The following DPYD variants were observed in gnomAD, a reference collection of about 807,000 sequenced individuals.
The protein encoded by DPYD is dihydropyrimidine dehydrogenase [NADP(+)].
A neutral mutation model predicts 116.2 loss-of-function variants in DPYD; 109 were observed. That is an observed-to-expected ratio of 0.94 (90% CI 0.80 to 1.10). The LOEUF (loss-of-function observed/expected upper bound fraction) is 1.10, where lower values mean the gene tolerates loss of function less well. DPYD is among the 50% of genes least tolerant of loss of function. The pLI is 0.00. For missense variants in DPYD, 1,302 were observed against 1,254.5 expected (o/e 1.04, Z -0.57); for synonymous variants, 440 against 432.0 (o/e 1.02, Z -0.23).
chr1:97,692,967 A>G (rs990419463), intron 6 of DPYD, among the ~76,000 whole-genome samples: 1 of 152,140 alleles, frequency 6.6e-6, no homozygotes, highest in African/African-American at 2.4e-5. Context: ...ATTTTTATAT[A>G]TCAATCAGCA....
intron 18 of DPYD, among the ~76,000 whole-genome samples, chr1:97,293,867 G>C (rs181308798): frequency 5.7e-4 from 81 of 142,646 alleles, no homozygotes; most frequent in African/African-American, 1.9e-3. Context: ...AGAATCGCTC[G>C]AACCCGGGAG....
At position 97,364,166 on chromosome 1, in the gene DPYD, C is replaced by T. The variant is rs150768890; in HGVS notation, c.2058+9395G>A. 3.2e-3 allele frequency among the ~76,000 whole-genome samples: 485 copies of T among 152,194 alleles called. 2 individuals are homozygous for T. The highest frequency in any genetic ancestry group is 0.011 in the African/African-American group (467 of 41,522). On this transcript the variant is annotated intron_variant, in intron 16 of 22. Transcript: ENST00000370192. ...AGGAAAAACAGGAGTGCCAAGCCTGCCATGTTGTTTACAGTTTTGGTGTGG... is the reference window on the plus strand; with the variant it reads ...AGGAAAAACAGGAGTGCCAAGCCTGTCATGTTGTTTACAGTTTTGGTGTGG...
At chr1:97,199,578 A>C (rs1019409598) in intron 19 of DPYD, among the ~76,000 whole-genome samples, 13 of 152,068 alleles carry the variant, frequency 8.5e-5, no homozygotes, top group Non-Finnish European at 1.5e-4. Context: ...ATTTTTGGTC[A>C]AATACTGCAG....
chr1:97,384,146 C>T (rs1325132956), intron 14 of DPYD, among the ~76,000 whole-genome samples: 2 of 150,706 alleles, frequency 1.3e-5, no homozygotes, highest in African/African-American at 4.9e-5. Flanking sequence ...GATTGAGACA[C>T]AAAGAGTTTG....
At chr1:97,306,378 G>A in intron 16 of DPYD, 81 bp from the exon 17 acceptor site, 1 of 1,584,842 alleles carries the variant, frequency 6.3e-7, no homozygotes, top group South Asian at 1.1e-5. Context: ...AGCAAAGCTG[G>A]AGACGTGCAA....
intron 20 of DPYD, among the ~76,000 whole-genome samples, chr1:97,158,015 G>A (rs1392982652): frequency 6.6e-6 from 1 of 152,094 alleles, no homozygotes. Context: ...TCTTGTTGAA[G>A]TACTGGGTGC....
At chr1:97,349,123 G>A (rs923880732) in intron 16 of DPYD, among the ~76,000 whole-genome samples, 13 of 152,082 alleles carry the variant, frequency 8.5e-5, no homozygotes, top group African/African-American at 3.1e-4. Context: ...TTTCTATCCT[G>A]CAGTTTCCTG....
intron 3 of DPYD, among the ~76,000 whole-genome samples, chr1:97,785,119 C>G (rs898208462): frequency 1.4e-4 from 22 of 152,000 alleles, no homozygotes; most frequent in Non-Finnish European, 2.5e-4. Flanking sequence ...GAGAATATAG[C>G]TAATACAAAC....
intron 8 of DPYD, among the ~76,000 whole-genome samples, chr1:97,677,963 G>A (rs117330430): frequency 1.3e-5 from 2 of 152,228 alleles, no homozygotes; most frequent in East Asian, 1.9e-4. Flanking sequence ...GTGAACTGCC[G>A]AAGAGACAGA....
intron 20 of DPYD, among the ~76,000 whole-genome samples, chr1:97,150,272 A>C (rs1485509404): frequency 6.6e-6 from 1 of 151,992 alleles, no homozygotes; most frequent in Non-Finnish European, 1.5e-5. Flanking sequence ...TATCTTAAAA[A>C]AAAAAAACTA....
intron 5 of DPYD, among the ~76,000 whole-genome samples, chr1:97,705,743 CCCA>C (rs1400697237): frequency 6.6e-6 from 1 of 152,226 alleles, no homozygotes; most frequent in East Asian, 1.9e-4. Flanking sequence ...AGTTTACAGT[CCCA>C]CCAACAGTGT....
At chr1:97,247,679 C>T (rs185913146) in intron 18 of DPYD, among the ~76,000 whole-genome samples, 519 of 152,230 alleles carry the variant, frequency 3.4e-3, no homozygotes, top group Non-Finnish European at 6.1e-3. Context: ...AATGCCATCA[C>T]TACAGTTTCT....
At chr1:97,718,058 G>T (rs552439236) in intron 5 of DPYD, among the ~76,000 whole-genome samples, 27 of 152,138 alleles carry the variant, frequency 1.8e-4, no homozygotes, top group African/African-American at 6.3e-4. Context: ...GTTTTCCATA[G>T]TGGTTGTACT....
intron 3 of DPYD, among the ~76,000 whole-genome samples, chr1:97,807,182 T>C (rs1319886749): frequency 6.6e-6 from 1 of 152,064 alleles, no homozygotes; most frequent in Admixed American, 6.6e-5. Flanking sequence ...ATGCCAAAAA[T>C]GCAATTGCTG....
At chr1:97,805,650 A>C (rs1393952175) in intron 3 of DPYD, among the ~76,000 whole-genome samples, 2 of 151,724 alleles carry the variant, frequency 1.3e-5, no homozygotes, top group African/African-American at 4.8e-5. Flanking sequence ...ATAAACCACA[A>C]CACCATATTT....
At position 97,272,783 on chromosome 1, in the gene DPYD, C is replaced by T. The variant is rs539328977; in HGVS notation, c.2299+32476G>A. Among the ~76,000 whole-genome samples, 23 of 152,140 alleles carry T rather than the reference C, an allele frequency of 1.5e-4. No homozygotes were observed. The South Asian group carries it at 4.3e-3, about 29-fold the overall frequency. On this transcript the variant is annotated intron_variant, in intron 18 of 22. Coordinates refer to ENST00000370192, the MANE Select transcript of DPYD (RefSeq NM_000110.4). ...GCTATTTCATATCTTTCTGATGGAA[C>T]TTACATGAATGACTGCTTTAGAATA...
At chr1:97,559,256 A>G (rs1651964173) in intron 11 of DPYD, among the ~76,000 whole-genome samples, 1 of 152,188 alleles carries the variant, frequency 6.6e-6, no homozygotes, top group Non-Finnish European at 1.5e-5. Context: ...TTCATATAAA[A>G]TTCCCATTTG....
chr1:97,458,249 GCTCTA>G (rs559427775), intron 13 of DPYD, among the ~76,000 whole-genome samples: 88 of 151,818 alleles, frequency 5.8e-4, no homozygotes, highest in African/African-American at 1.8e-3. Context: ...TAAATCTCTG[GCTCTA>G]CTCTACAGTC....
At chr1:97,162,631 T>C (rs1285744784) in intron 20 of DPYD, among the ~76,000 whole-genome samples, 2 of 151,222 alleles carry the variant, frequency 1.3e-5, no homozygotes, top group African/African-American at 2.4e-5. Context: ...AAAAAACTAC[T>C]TTAAAGTTCA....
Sources: allele counts gnomAD v4.1 joint callset (sites outside exome capture counted in the v4.1 genomes callset), GRCh38; gene constraint gnomAD v4.1.1; transcripts MANE v1.5; gene names NCBI Gene and HGNC (gene_info 2026-07-23, HGNC 2026-07-21).